Variants in NLGN4X observed in about 807,000 individuals in gnomAD.
NLGN4X encodes neuroligin 4 X-linked.
A neutral mutation model predicts 40.3 loss-of-function variants in NLGN4X; 3 were observed. The observed-to-expected ratio is 0.07, with a 90% CI of 0.03 to 0.19. NLGN4X has a LOEUF of 0.19. Ranked by LOEUF, NLGN4X falls within the 10% of genes least tolerant of loss-of-function variation. NLGN4X has a pLI of 1.00. For missense variants in NLGN4X, 382 were observed against 708.3 expected (o/e 0.54, Z 5.23); for synonymous variants, 270 against 306.8 (o/e 0.88, Z 1.25).
At chrX:6,087,847 T>C (rs1215322424) in intron 2 of NLGN4X, among the ~76,000 whole-genome samples, 1 of 112,620 alleles carries the variant, frequency 8.9e-6, no homozygotes, top group Non-Finnish European at 1.9e-5. Context: ...TCTTTACATA[T>C]GAATGAGACT....
chrX:6,199,411 A>C (rs1923400468), intron 1 of NLGN4X, among the ~76,000 whole-genome samples: 1 of 112,014 alleles, frequency 8.9e-6, no homozygotes, highest in Non-Finnish European at 1.9e-5. Context: ...TTAGAAGAAT[A>C]AGTTTAAAAA....
At chrX:6,034,257 T>C (rs1020486047) in intron 2 of NLGN4X, among the ~76,000 whole-genome samples, 3 of 112,267 alleles carry the variant, frequency 2.7e-5, no homozygotes, top group Non-Finnish European at 3.8e-5. Flanking sequence ...ATTTTGTGTC[T>C]GGTTTCTTTT....
chrX:5,939,847 T>G (rs1489567569), intron 3 of NLGN4X, among the ~76,000 whole-genome samples: 1 of 111,897 alleles, frequency 8.9e-6, no homozygotes, highest in African/African-American at 3.2e-5. Flanking sequence ...ATGTGGTGTA[T>G]CCGCAAATTG....
chrX:5,912,833 G>A (rs2032542569), intron 3 of NLGN4X, among the ~76,000 whole-genome samples: 1 of 95,116 alleles, frequency 1.1e-5, no homozygotes, highest in Admixed American at 1.2e-4. Context: ...GGAGCAGGGA[G>A]AGGGAAGGAG....
intron 3 of NLGN4X, among the ~76,000 whole-genome samples, chrX:5,927,734 T>G (rs997087185): frequency 1.8e-5 from 2 of 112,341 alleles, no homozygotes; most frequent in African/African-American, 6.5e-5. Flanking sequence ...TTACCTGGGT[T>G]TCAGCTCTAA....
At chrX:6,078,724 CCTATTACTCA>C (rs60105246) in intron 2 of NLGN4X, among the ~76,000 whole-genome samples, 51,599 of 109,605 alleles carry the variant, frequency 0.47, 8,972 homozygotes, top group Admixed American at 0.51. Flanking sequence ...TGAGTGTGGC[CCTATTACTCA>C]CTAAGGAATG....
chrX:6,176,572 G>A (rs183247394), intron 1 of NLGN4X, among the ~76,000 whole-genome samples: 51 of 111,872 alleles, frequency 4.6e-4, no homozygotes, highest in African/African-American at 1.5e-3. Context: ...ATAATCACAA[G>A]GATCCTTATA....
At chrX:6,175,974 G>A in intron 1 of NLGN4X, among the ~76,000 whole-genome samples, 1 of 111,186 alleles carries the variant, frequency 9.0e-6, no homozygotes, top group Non-Finnish European at 1.9e-5. Flanking sequence ...AGTCTGCCTA[G>A]TCAGTGATTT....
At chrX:6,120,663 C>T (rs2039402967) in intron 2 of NLGN4X, among the ~76,000 whole-genome samples, 1 of 111,796 alleles carries the variant, frequency 8.9e-6, no homozygotes, top group Non-Finnish European at 1.9e-5. Flanking sequence ...AAACTGGCTT[C>T]CTCACTGCCT....
intron 3 of NLGN4X, among the ~76,000 whole-genome samples, chrX:5,965,029 T>C (rs2034780897): frequency 8.9e-6 from 1 of 111,941 alleles, no homozygotes; most frequent in Non-Finnish European, 1.9e-5. Context: ...CATAAAGAAA[T>C]GATACGCAAC....
At chrX:6,200,707 T>TTTTTTTTTTTTA (rs1923536137) in intron 1 of NLGN4X, among the ~76,000 whole-genome samples, 1 of 99,558 alleles carries the variant, frequency 1.0e-5, no homozygotes, top group African/African-American at 3.7e-5. Flanking sequence ...TTTTTTTTTT[T>TTTTTTTTTTTTA]ACAAGATCTT....
intron 2 of NLGN4X, among the ~76,000 whole-genome samples, chrX:6,058,950 C>T (rs1217625215): frequency 4.5e-5 from 5 of 111,469 alleles, no homozygotes; most frequent in Non-Finnish European, 7.5e-5. Flanking sequence ...CCTCACCTTT[C>T]GTCTACTGAA....
intron 2 of NLGN4X, among the ~76,000 whole-genome samples, chrX:6,134,276 A>C (rs1242312523): frequency 2.7e-5 from 3 of 111,884 alleles, no homozygotes; most frequent in Non-Finnish European, 5.6e-5. Flanking sequence ...TCTTTAACAA[A>C]ACTTAGCTAA....
At chrX:5,941,395 T>G (rs1190297625) in intron 3 of NLGN4X, among the ~76,000 whole-genome samples, 1 of 111,443 alleles carries the variant, frequency 9.0e-6, no homozygotes, top group African/African-American at 3.3e-5. Context: ...ACTGAACTCT[T>G]CCTACGGAGC....
At chrX:5,980,065 G>A (rs901735549) in intron 3 of NLGN4X, among the ~76,000 whole-genome samples, 1 of 105,828 alleles carries the variant, frequency 9.4e-6, no homozygotes, top group Non-Finnish European at 1.9e-5. Context: ...ATATACATAT[G>A]TGTAGTATAC....
chrX:5,930,639 A>G (rs918405659), intron 3 of NLGN4X, among the ~76,000 whole-genome samples: 2 of 112,468 alleles, frequency 1.8e-5, no homozygotes, highest in Non-Finnish European at 3.8e-5. Context: ...GTATGCAAGA[A>G]TATCTCCAGG....
At chrX:6,071,584 C>T (rs1056356250) in intron 2 of NLGN4X, among the ~76,000 whole-genome samples, 3 of 111,237 alleles carry the variant, frequency 2.7e-5, no homozygotes, top group African/African-American at 9.8e-5. Context: ...AGATGGATCC[C>T]CTCATGGTCC....
At chrX:6,066,076 T>C (rs146903034) in intron 2 of NLGN4X, among the ~76,000 whole-genome samples, 2,385 of 111,866 alleles carry the variant, frequency 0.021, 58 homozygotes, top group African/African-American at 0.07. Context: ...GTAAGAGGTA[T>C]TGGTAAGTAT....
At chrX:5,988,328 T>C (rs777231880) in intron 3 of NLGN4X, among the ~76,000 whole-genome samples, 7 of 112,168 alleles carry the variant, frequency 6.2e-5, no homozygotes, top group Non-Finnish European at 1.1e-4. Flanking sequence ...GCGTGTGCAA[T>C]AATTTATTAG....
Sources: allele counts gnomAD v4.1 joint callset (sites outside exome capture counted in the v4.1 genomes callset), GRCh38; gene constraint gnomAD v4.1.1; transcripts MANE v1.5; gene names NCBI Gene and HGNC (gene_info 2026-07-23, HGNC 2026-07-21).